Variants in ADGRL3 observed in about 807,000 individuals in gnomAD.
The protein encoded by ADGRL3 is calcium-independent alpha-latrotoxin receptor 3.
ADGRL3 carries 62 observed loss-of-function variants against 153.5 expected under a neutral mutation model. That is an observed-to-expected ratio of 0.40 (90% CI 0.33 to 0.50). ADGRL3 has a LOEUF of 0.50. Ranked by LOEUF, ADGRL3 falls within the 20% of genes least tolerant of loss-of-function variation. ADGRL3 has a pLI of 0.47. For missense variants in ADGRL3, 1,641 were observed against 1,859.4 expected, an observed-to-expected ratio of 0.88 and a Z score of 2.16; for synonymous variants, 710 against 672.5, an observed-to-expected ratio of 1.06 and a Z score of -0.86.
intron 4 of ADGRL3, among the ~76,000 whole-genome samples, chr4:61,532,919 C>T (rs1270672038): frequency 6.6e-6 from 1 of 151,982 alleles, no homozygotes; most frequent in Non-Finnish European, 1.5e-5. Context: ...GAAATGAAAG[C>T]TCAGTTGGAA....
chr4:61,844,582 A>G (rs1294429622), intron 9 of ADGRL3, among the ~76,000 whole-genome samples: 1 of 105,486 alleles, frequency 9.5e-6, no homozygotes, highest in Non-Finnish European at 1.9e-5. Context: ...AAAAATATAT[A>G]TATATATATA....
At chr4:61,608,639 G>A (rs1330953882) in intron 5 of ADGRL3, among the ~76,000 whole-genome samples, 1 of 152,124 alleles carries the variant, frequency 6.6e-6, no homozygotes, top group Non-Finnish European at 1.5e-5. Flanking sequence ...TAATAAGAAT[G>A]AGGAAGTAAA....
At chr4:61,342,909 T>C (rs1197643894) in intron 1 of ADGRL3, among the ~76,000 whole-genome samples, 1 of 152,120 alleles carries the variant, frequency 6.6e-6, no homozygotes, top group Admixed American at 6.5e-5. Flanking sequence ...AAAGGTTTAA[T>C]TGACTCACAG....
At chr4:61,644,883 G>C (rs7668545) in intron 5 of ADGRL3, among the ~76,000 whole-genome samples, 55,801 of 151,306 alleles carry the variant, frequency 0.37, 11,927 homozygotes, top group Non-Finnish European at 0.5. Context: ...TTGACAGTGG[G>C]GTGTTAAAGT....
chr4:61,974,441 CCT>C (rs929773461), intron 17 of ADGRL3, among the ~76,000 whole-genome samples: 4 of 152,090 alleles, frequency 2.6e-5, no homozygotes, highest in African/African-American at 9.6e-5. Flanking sequence ...TTTTTCTGAT[CCT>C]CTCTATATCA....
intron 2 of ADGRL3, chr4:61,427,142 G>C (rs902248503): frequency 2.6e-5 from 4 of 152,198 alleles, no homozygotes; most frequent in Non-Finnish European, 5.9e-5. Flanking sequence ...CTCAACACAA[G>C]TTCCCTCATG....
At position 61,503,678 on chromosome 4, in the gene ADGRL3, T is replaced by C. The variant is rs569839767; in HGVS notation, c.55+6330T>C. ...GACTATATTTTCTAAGAATAGCTTT[T>C]AAATTTTTTATTTTTAAAATTTCAA... On this transcript the variant is annotated intron_variant, in intron 3 of 26. Coordinates refer to ENST00000683033, the MANE Select transcript of ADGRL3 (RefSeq NM_001387552.1). 9.9e-5 allele frequency among the ~76,000 whole-genome samples: 15 copies of C among 152,254 alleles called. No individual in the cohort carries two copies. The South Asian group carries it at 1.0e-3, about 11-fold the overall frequency.
At chr4:61,850,126 G>A (rs372477674) in intron 9 of ADGRL3, among the ~76,000 whole-genome samples, 10 of 152,036 alleles carry the variant, frequency 6.6e-5, no homozygotes, top group Non-Finnish European at 1.3e-4. Flanking sequence ...AACTAAGAAC[G>A]TTGTGATGGT....
At chr4:61,511,141 T>A (rs2098461581) in intron 3 of ADGRL3, among the ~76,000 whole-genome samples, 1 of 152,128 alleles carries the variant, frequency 6.6e-6, no homozygotes, top group African/African-American at 2.4e-5. Context: ...GCTGATCACT[T>A]GAGGTAGGGA....
intron 2 of ADGRL3, among the ~76,000 whole-genome samples, chr4:61,461,035 A>T (rs563346909): frequency 9.2e-5 from 14 of 152,150 alleles, no homozygotes; most frequent in Non-Finnish European, 1.9e-4. Flanking sequence ...GCACCAGTGC[A>T]CTCCAGCCTG....
At chr4:61,635,606 A>AT (rs5858716) in intron 5 of ADGRL3, among the ~76,000 whole-genome samples, 58,789 of 151,912 alleles carry the variant, frequency 0.39, 12,593 homozygotes, top group Non-Finnish European at 0.5. Context: ...TGACCTCAAA[A>AT]TTTAAGCCCA....
intron 3 of ADGRL3, among the ~76,000 whole-genome samples, chr4:61,500,058 AGAGAG>A (rs2098369366): frequency 6.6e-6 from 1 of 150,496 alleles, no homozygotes; most frequent in Non-Finnish European, 1.5e-5. Context: ...AGAGAGAGAG[AGAGAG>A]AATATCTCCA....
chr4:61,221,636 T>C (rs1365957208), intron 1 of ADGRL3, among the ~76,000 whole-genome samples: 2 of 152,164 alleles, frequency 1.3e-5, no homozygotes, highest in Non-Finnish European at 2.9e-5. Context: ...TGTTTTTGAG[T>C]CTCTTATTAG....
chr4:61,520,682 G>C (rs10000788), intron 4 of ADGRL3, among the ~76,000 whole-genome samples: 2,401 of 123,562 alleles, frequency 0.019, 42 homozygotes, highest in Middle Eastern at 0.048. Context: ...GTGTGTGTGT[G>C]TGTCTGTCTG....
chr4:61,914,271 G>C (rs751382786), intron 13 of ADGRL3, among the ~76,000 whole-genome samples: 1 of 152,166 alleles, frequency 6.6e-6, no homozygotes, highest in Non-Finnish European at 1.5e-5. Context: ...TGTCTATTAC[G>C]ATTATGCGTG....
At chr4:61,798,999 G>GTATATATATATATATATA (rs34782885) in intron 8 of ADGRL3, among the ~76,000 whole-genome samples, 1 of 80,748 alleles carries the variant, frequency 1.2e-5, no homozygotes, top group Non-Finnish European at 2.4e-5. Flanking sequence ...TATATAAACA[G>GTATATATATATATATATA]TATATATATA....
At position 61,477,175 on chromosome 4, in the gene ADGRL3, G is replaced by A. The variant is rs557065097; in HGVS notation, c.-173-19946G>A. 5.3e-5 allele frequency among the ~76,000 whole-genome samples: 8 copies of A among 152,094 alleles called. No individual in the cohort carries two copies. The South Asian group carries it at 1.2e-3, about 24-fold the overall frequency. On this transcript the variant is annotated intron_variant, in intron 2 of 26. Transcript: ENST00000683033. ...TAGTTTGAGCCTCTATTCAAATTAC[G>A]TAAAATCAAAACAGTCAAATGCACC...
chr4:61,693,972 T>C (rs1268923144), intron 6 of ADGRL3, among the ~76,000 whole-genome samples: 1 of 152,086 alleles, frequency 6.6e-6, no homozygotes, highest in East Asian at 1.9e-4. Context: ...ATGACATTCA[T>C]TTGCTAACTG....
intron 4 of ADGRL3, among the ~76,000 whole-genome samples, chr4:61,532,463 C>CA (rs2152959711): frequency 6.6e-6 from 1 of 151,876 alleles, no homozygotes; most frequent in South Asian, 2.1e-4. Context: ...TCATTGACCC[C>CA]AGGGGTCAGA....
Sources: gnomAD v4.1 joint callset for allele counts (sites outside exome capture counted in the v4.1 genomes callset) on GRCh38, gnomAD v4.1.1 for gene constraint, MANE v1.5 for transcripts, NCBI Gene and HGNC (gene_info 2026-07-23, HGNC 2026-07-21) for gene names.